The following PRKN variants were observed in gnomAD, a reference collection of about 807,000 sequenced individuals.
The protein encoded by PRKN is parkin RBR E3 ubiquitin protein ligase.
A neutral mutation model predicts 59.5 loss-of-function variants in PRKN; 56 were observed. The observed-to-expected ratio is 0.94, with a 90% CI of 0.76 to 1.18. The LOEUF is 1.18. Among genes scored for constraint, PRKN ranks in the 50% most tolerant of loss-of-function variants. The pLI is 0.00. For missense variants in PRKN, 657 were observed against 596.4 expected (o/e 1.10, Z -1.06); for synonymous variants, 250 against 222.1 (o/e 1.13, Z -1.12).
chr6:162,648,345 T>C (rs1353284662), intron 1 of PRKN, among the ~76,000 whole-genome samples: 1 of 151,934 alleles, frequency 6.6e-6, no homozygotes, highest in Non-Finnish European at 1.5e-5. Context: ...TCTTTCTATA[T>C]GCAACTCCTC....
At chr6:162,477,172 A>G (rs1355694199) in intron 1 of PRKN, among the ~76,000 whole-genome samples, 1 of 152,186 alleles carries the variant, frequency 6.6e-6, no homozygotes, top group Non-Finnish European at 1.5e-5. Flanking sequence ...TTTGGTGTCT[A>G]TTTTCCTGAA....
intron 4 of PRKN, among the ~76,000 whole-genome samples, chr6:162,100,972 T>C (rs1779948083): frequency 6.6e-6 from 1 of 152,198 alleles, no homozygotes; most frequent in Non-Finnish European, 1.5e-5. Context: ...TTATCTATTT[T>C]GAATATTAAC....
At position 161,545,456 on chromosome 6, in the gene PRKN, A is replaced by G; in HGVS notation, c.1083+3398T>C. 6.4e-7 allele frequency: 1 copy of G among 1,558,704 alleles called. No homozygotes were observed. Among genetic ancestry groups the G allele is most frequent in the African/African-American group, 1.4e-5 (1 of 73,894 alleles). On this transcript the variant is annotated intron_variant, in intron 9 of 11. Coordinates refer to ENST00000366898, the MANE Select transcript of PRKN (RefSeq NM_004562.3). The surrounding 1 kb of genome is among the most constrained non-coding windows in gnomAD (Gnocchi z 4.1). Reference sequence around the variant, plus strand: ...GTCCATACTGTGAGAGCAAAGAGTAAAAAGAGATTCACCTTCTTCTAACTT... The same window carrying G: ...GTCCATACTGTGAGAGCAAAGAGTAGAAAGAGATTCACCTTCTTCTAACTT...
chr6:161,520,428 A>G (rs1232501779), intron 9 of PRKN, among the ~76,000 whole-genome samples: 1 of 151,932 alleles, frequency 6.6e-6, no homozygotes, highest in African/African-American at 2.4e-5. Flanking sequence ...GGGTTTCACC[A>G]TGTTGGCCAG....
At chr6:162,071,090 C>A (rs943809919) in intron 4 of PRKN, among the ~76,000 whole-genome samples, 2 of 152,000 alleles carry the variant, frequency 1.3e-5, no homozygotes, top group Admixed American at 1.3e-4. Flanking sequence ...GAAAATAATT[C>A]TAACAGCACA....
intron 4 of PRKN, among the ~76,000 whole-genome samples, chr6:162,160,886 G>A (rs1190743813): frequency 2.0e-4 from 14 of 71,194 alleles, no homozygotes; most frequent in South Asian, 1.7e-3. Flanking sequence ...GAGAGACTCC[G>A]TCTCAAAAAA....
chr6:162,545,734 C>A (rs953841874), intron 1 of PRKN, among the ~76,000 whole-genome samples: 2 of 152,118 alleles, frequency 1.3e-5, no homozygotes, highest in Admixed American at 1.3e-4. Flanking sequence ...GATTATATCA[C>A]TTTGTTCTCT....
chr6:162,103,118 T>A (rs191038880), intron 4 of PRKN, among the ~76,000 whole-genome samples: 65 of 151,490 alleles, frequency 4.3e-4, no homozygotes, highest in Admixed American at 7.2e-4. Flanking sequence ...AAAATGGTTT[T>A]AAAAAAAACA....
intron 6 of PRKN, among the ~76,000 whole-genome samples, chr6:161,853,530 T>C (rs1196410600): frequency 1.3e-5 from 2 of 152,238 alleles, no homozygotes; most frequent in East Asian, 3.8e-4. Flanking sequence ...ATCTAAAGTA[T>C]ATGAGAGACT....
At chr6:161,872,513 C>A (rs1437073444) in intron 6 of PRKN, among the ~76,000 whole-genome samples, 1 of 152,162 alleles carries the variant, frequency 6.6e-6, no homozygotes, top group East Asian at 1.9e-4. Flanking sequence ...GCATCAGGCG[C>A]TCCTGTCCTC....
rs1736195542 is a variant in PRKN, at chr6:161,447,644, C to T, written c.1084-60767G>A. 6.6e-6 allele frequency among the ~76,000 whole-genome samples: 1 copy of T among 152,206 alleles called. No homozygotes were observed. The highest frequency in any genetic ancestry group is 1.5e-5 in the Non-Finnish European group (1 of 68,026). On this transcript the variant is annotated intron_variant, in intron 9 of 11. Coordinates refer to ENST00000366898, the MANE Select transcript of PRKN (RefSeq NM_004562.3). This position sits in a 1 kb window ranked among gnomAD's most constrained non-coding sequence, Gnocchi z 4.1. ...GAGTAGCTGGGACTACAGGCATGCACCACCATGCCTGGCTAATTTTTTGTA... is the reference window on the plus strand; with the variant it reads ...GAGTAGCTGGGACTACAGGCATGCATCACCATGCCTGGCTAATTTTTTGTA...
At chr6:161,761,813 A>G (rs1789214299) in intron 7 of PRKN, among the ~76,000 whole-genome samples, 1 of 152,228 alleles carries the variant, frequency 6.6e-6, no homozygotes, top group African/African-American at 2.4e-5. Flanking sequence ...ACGGAATCCC[A>G]AGGAAGAACA....
chr6:161,352,933 C>T lies in PRKN; in HGVS notation c.1286-2722G>A, dbSNP rs1234867491. On this transcript the variant is annotated intron_variant, in intron 11 of 11. Coordinates refer to ENST00000366898, the MANE Select transcript of PRKN (RefSeq NM_004562.3). This position sits in a 1 kb window ranked among gnomAD's most constrained non-coding sequence, Gnocchi z 5.8. ...TAGTTGGAATTACAGGCACCTGCCA[C>T]CACGCCTGGCTAAATTTTGTATTTT... Among the ~76,000 whole-genome samples, 3 of 152,008 alleles carry T rather than the reference C, an allele frequency of 2.0e-5. No homozygotes were observed. Among genetic ancestry groups the T allele is most frequent in the Non-Finnish European group, 4.4e-5 (3 of 68,006 alleles).
At chr6:162,670,140 C>T (rs1584018596) in intron 1 of PRKN, among the ~76,000 whole-genome samples, 1 of 152,242 alleles carries the variant, frequency 6.6e-6, no homozygotes, top group East Asian at 1.9e-4. Context: ...CAAGTACACA[C>T]TCAGAACTCT....
chr6:162,653,297 A>T (rs1050766443), intron 1 of PRKN, among the ~76,000 whole-genome samples: 1 of 146,912 alleles, frequency 6.8e-6, no homozygotes, highest in Non-Finnish European at 1.5e-5. Context: ...AGACTGATTA[A>T]TTCAGAATGG....
intron 1 of PRKN, among the ~76,000 whole-genome samples, chr6:162,506,805 T>C (rs1793628896): frequency 6.6e-6 from 1 of 152,130 alleles, no homozygotes; most frequent in Non-Finnish European, 1.5e-5. Context: ...CAAGAGCACA[T>C]CACAGGTGCC....
chr6:161,777,737 ATG>A (rs1789994363), intron 7 of PRKN, among the ~76,000 whole-genome samples: 1 of 141,402 alleles, frequency 7.1e-6, no homozygotes, highest in Non-Finnish European at 1.5e-5. Flanking sequence ...ATATCTATAT[ATG>A]TATATATAGA....
At position 161,548,976 on chromosome 6, in the gene PRKN, C is replaced by T; in HGVS notation, c.961G>A (p.Glu321Lys). The T allele has an allele frequency of 1.2e-6, 2 of 1,614,220 alleles. No individual in the cohort carries two copies. Among genetic ancestry groups the T allele is most frequent in the Non-Finnish European group, 8.5e-7 (1 of 1,180,044 alleles). ...CCCCCCATCTGCAGGACACACTCCT[C>T]TGCACCATACTGCTGGTACCGGTTG... ...QYNRYQQYGA[E>K]ECVLQMGGVL... Residue 321 changes from glutamate (E) to lysine (K), a missense_variant, in exon 9 of 12, where the codon GAG (glutamate) becomes AAG (lysine). Physicochemically the swap from Glu to Lys is moderately conservative, Grantham distance 56. Transcript: ENST00000366898. This position sits in a 1 kb window ranked among gnomAD's most constrained non-coding sequence, Gnocchi z 4.2.
chr6:161,715,912 C>G (rs1471179630), intron 7 of PRKN, among the ~76,000 whole-genome samples: 1 of 152,192 alleles, frequency 6.6e-6, no homozygotes, highest in Non-Finnish European at 1.5e-5. Context: ...CCATCAGCAA[C>G]ATCTATGAAT....
Sources: allele counts gnomAD v4.1 joint callset (sites outside exome capture counted in the v4.1 genomes callset), GRCh38; gene constraint gnomAD v4.1.1; non-coding constraint Gnocchi (gnomAD v3.1); transcripts MANE v1.5; gene names NCBI Gene and HGNC (gene_info 2026-07-23, HGNC 2026-07-21).